CPLANE1: variants seen among roughly 807,000 people sequenced by gnomAD.
The protein encoded by CPLANE1 is ciliogenesis and planar polarity effector complex subunit 1.
CPLANE1 carries 263 observed loss-of-function variants against 362.5 expected under a neutral mutation model. The observed-to-expected ratio is 0.73, with a 90% CI of 0.66 to 0.80. The LOEUF is 0.80. Ranked by LOEUF, CPLANE1 falls within the 30% of genes least tolerant of loss-of-function variation. CPLANE1 has a pLI of 0.00. For synonymous variants in CPLANE1, 1,212 were observed against 1,302.6 expected, an observed-to-expected ratio of 0.93 and a Z score of 1.50; for missense variants, 3,461 against 3,793.4, an observed-to-expected ratio of 0.91 and a Z score of 2.30.
chr5:37,227,435 T>C (rs931594538), intron 10 of CPLANE1, 43 bp from the exon 11 acceptor site: 9 of 1,505,384 alleles, frequency 6.0e-6, no homozygotes, highest in Non-Finnish European at 7.1e-6. Context: ...CAAAATGTTA[T>C]CTGTAATTCT....
intron 42 of CPLANE1, among the ~76,000 whole-genome samples, chr5:37,153,530 G>C (rs1016168911): frequency 1.4e-4 from 22 of 152,096 alleles, no homozygotes; most frequent in Admixed American, 1.2e-3. Context: ...AAAGACCAGG[G>C]ATGCTGCCAA....
chr5:37,147,373 A>G (rs561569424), intron 43 of CPLANE1, among the ~76,000 whole-genome samples: 4 of 152,362 alleles, frequency 2.6e-5, no homozygotes, highest in African/African-American at 9.6e-5. Context: ...AGAATGCTTA[A>G]TATTTAGAAG....
At chr5:37,094,414 C>T in the CPLANE1 span, among the ~76,000 whole-genome samples, 2 of 152,158 alleles carry the variant, frequency 1.3e-5, no homozygotes, top group Non-Finnish European at 2.9e-5. Context: ...CCTATCAAAA[C>T]CTCTGGGATA....
At chr5:37,104,635 G>A (rs1388122798), downstream of CPLANE1, among the ~76,000 whole-genome samples, 1 of 149,824 alleles carries the variant, frequency 6.7e-6, no homozygotes, top group Non-Finnish European at 1.5e-5. Context: ...GCCGGGCATG[G>A]TGGCTCATGC....
In CPLANE1 at chr5:37,206,285, A is replaced by G; in HGVS notation, c.3061T>C (p.Leu1021=). 3 of 1,551,756 alleles carry G rather than the reference A, an allele frequency of 1.9e-6. No homozygotes were observed. Among genetic ancestry groups the G allele is most frequent in the Non-Finnish European group, 1.7e-6 (2 of 1,147,006 alleles). The change falls in exon 17 of 53, where the codon TTG becomes CTG. Residue 1021 remains leucine, a synonymous_variant. Transcript: ENST00000651892. ...TTCCAGTCTCCAAGTTTATATGCCA[A>G]CCACACAGCCTCTGGAACCAGGCCA... The part of the protein sequence containing the change: ...IGGLVPEAVW[L]AYKLGDWKTS...
At position 37,245,453 on chromosome 5, in the gene CPLANE1, A is replaced by G. The variant is rs1013054004; in HGVS notation, c.337+26T>C. The G allele has an allele frequency of 3.5e-6, 5 of 1,432,148 alleles. No homozygotes were observed. The African/African-American group carries it at 5.8e-5, about 17-fold the overall frequency. 88.7% of individuals were successfully genotyped at this position (1,432,148 alleles called of 1,614,324 possible). A position where few individuals can be genotyped will look rare whatever the true frequency, so the allele number is the denominator to read the frequency against. ...TTTCCTATTTTTCCTAGTTAAACCA[A>G]CTTAAACAAATAAAAAAATTCCCAC... is the stretch of plus-strand genomic sequence containing the variant. On this transcript the variant is annotated intron_variant, in intron 4 of 52. Transcript: ENST00000651892.
At chr5:37,242,886 TCA>T in intron 6 of CPLANE1, 125 bp downstream of exon 6, 1 of 601,970 alleles carries the variant, frequency 1.7e-6, no homozygotes, top group Non-Finnish European at 2.9e-6. Flanking sequence ...AAACCTGTAG[TCA>T]CAGGTACTCA....
intron 8 of CPLANE1, among the ~76,000 whole-genome samples, chr5:37,232,146 C>T (rs1797852859): frequency 6.6e-6 from 1 of 152,100 alleles, no homozygotes; most frequent in Non-Finnish European, 1.5e-5. Context: ...CTGGTGGTAG[C>T]TCATATGCCA....
the CPLANE1 span, among the ~76,000 whole-genome samples, chr5:37,083,957 C>T: frequency 6.6e-6 from 1 of 152,178 alleles, no homozygotes; most frequent in Non-Finnish European, 1.5e-5. Context: ...GCAAAAAGAT[C>T]ATCACCTAGG....
chr5:37,225,524 C>A (rs1468109681), intron 12 of CPLANE1, among the ~76,000 whole-genome samples: 1 of 152,090 alleles, frequency 6.6e-6, no homozygotes, highest in Non-Finnish European at 1.5e-5. Flanking sequence ...AGCCACTGCG[C>A]CCAGCCTAAT....
rs1243954217 is a variant in CPLANE1, at chr5:37,224,591, G to T, written c.2441C>A (p.Ala814Asp). Residue 814 changes from alanine to aspartate, a missense_variant, in exon 13 of 53, where the codon GCT becomes GAT. Transcript: ENST00000651892. ...TVKSLLCHLQANLQSTGDCLN... is the reference protein window; with the variant it reads ...TVKSLLCHLQDNLQSTGDCLN... ...GCAATCTCCAGTACTCTGTAGGTTA[G>T]CCTGCAAATGACATAACAGGGACTT... 1 of 1,551,230 alleles carries T rather than the reference G, an allele frequency of 6.4e-7. No homozygotes were observed. Among genetic ancestry groups the T allele is most frequent in the Non-Finnish European group, 8.7e-7 (1 of 1,146,766 alleles).
chr5:37,191,303 C>T lies in CPLANE1; in HGVS notation c.3812-3461G>A, dbSNP rs535032299. On this transcript the variant is annotated intron_variant, in intron 21 of 52. Coordinates refer to ENST00000651892, the MANE Select transcript of CPLANE1 (RefSeq NM_001384732.1). Reference sequence around the variant, plus strand: ...ATCGTAGCACTTCGGCAGGCTGAGGCGGGAGGATCGATTGAGCCCAGGAGT... The same window carrying T: ...ATCGTAGCACTTCGGCAGGCTGAGGTGGGAGGATCGATTGAGCCCAGGAGT... Among the ~76,000 whole-genome samples the T allele has an allele frequency of 4.6e-5, 7 of 152,138 alleles. No homozygotes were observed. In the East Asian group the frequency reaches 5.8e-4, roughly 13 times the overall value.
chr5:37,210,721 TA>T, intron 16 of CPLANE1: 1 of 1,575,566 alleles, frequency 6.3e-7, no homozygotes, highest in East Asian at 2.2e-5. Context: ...CAAAATAAAT[TA>T]CTTAAACAAC....
the CPLANE1 span, among the ~76,000 whole-genome samples, chr5:37,084,757 C>A: frequency 6.6e-6 from 1 of 150,690 alleles, no homozygotes; most frequent in African/African-American, 2.5e-5. Context: ...GGCAACAGAG[C>A]GAGACTCTGT....
At chr5:37,086,231 A>G in the CPLANE1 span, among the ~76,000 whole-genome samples, 1 of 152,204 alleles carries the variant, frequency 6.6e-6, no homozygotes, top group African/African-American at 2.4e-5. Context: ...TCCATCCAAC[A>G]ACCACAGAAT....
the CPLANE1 span, among the ~76,000 whole-genome samples, chr5:37,098,390 CAAAA>C: frequency 5.3e-5 from 2 of 37,626 alleles, no homozygotes; most frequent in South Asian, 1.6e-3. Context: ...AACTCCGTCT[CAAAA>C]AAAAAAAAAA....
Position 37,150,114 on chromosome 5 carries a change from T to C in CPLANE1, c.8374-1846A>G, listed in dbSNP as rs181082872. Among the ~76,000 whole-genome samples the C allele has an allele frequency of 1.4e-3, 209 of 152,256 alleles. 2 individuals are homozygous for C. Among genetic ancestry groups the C allele is most frequent in the Middle Eastern group, 3.4e-3 (1 of 294 alleles). ...ACAGATTCAGCAGGGATAGAATGTA[T>C]ACTCTGAAAAAGCATCTGAGTGATC... is the stretch of plus-strand genomic sequence containing the variant. On this transcript the variant is annotated intron_variant, in intron 42 of 52. Transcript: ENST00000651892.
rs1257693653 is a variant in CPLANE1 at position 37,108,307 on chromosome 5, T to C, written c.9565A>G (p.Asn3189Asp). 5.0e-6 allele frequency: 8 copies of C among 1,614,002 alleles called. No homozygotes were observed. The highest frequency in any genetic ancestry group is 5.9e-6 in the Non-Finnish European group (7 of 1,179,914). The change falls in exon 52 of 53, where the codon AAT becomes GAT. Residue 3189 changes from asparagine (N) to aspartate (D), a missense_variant. Physicochemically the swap from Asn to Asp is conservative, Grantham distance 23. Coordinates refer to ENST00000651892, the MANE Select transcript of CPLANE1 (RefSeq NM_001384732.1). ...EIHKILHESHNSLLQDLSPTE... is the reference protein window; with the variant it reads ...EIHKILHESHDSLLQDLSPTE... ...ACAATGCTTACTTGTAGAAGGGAAT[T>C]GTGACTCTCATGAAGAATCTTATGG... is the stretch of plus-strand genomic sequence containing the variant.
chr5:37,199,608 C>A (rs192115391), intron 19 of CPLANE1, among the ~76,000 whole-genome samples: 65 of 152,282 alleles, frequency 4.3e-4, no homozygotes, highest in Non-Finnish European at 6.0e-4. Context: ...TAGTAGGACC[C>A]AATAAATGTT....
Sources: gnomAD v4.1 joint callset for allele counts (sites outside exome capture counted in the v4.1 genomes callset) on GRCh38, gnomAD v4.1.1 for gene constraint, MANE v1.5 for transcripts, NCBI Gene and HGNC (gene_info 2026-07-23, HGNC 2026-07-21) for gene names.